LYPLAL1: variants seen among roughly 807,000 people sequenced by gnomAD.
The protein encoded by LYPLAL1 is lysophospholipase-like protein 1.
Under a neutral mutation model 19.7 loss-of-function variants are expected in LYPLAL1, and 23 were observed. That is an observed-to-expected ratio of 1.17 (90% CI 0.84 to 1.65). LYPLAL1 has a LOEUF of 1.65. Among genes scored for constraint, LYPLAL1 ranks in the 40% most tolerant of loss-of-function variants. LYPLAL1 has a pLI of 0.00. For synonymous variants in LYPLAL1, 119 were observed against 96.3 expected (o/e 1.24, Z -1.38); for missense variants, 355 against 279.4 (o/e 1.27, Z -1.93).
At chr1:219,421,949 A>G in the LYPLAL1 span, among the ~76,000 whole-genome samples, 1 of 152,192 alleles carries the variant, frequency 6.6e-6, no homozygotes, top group African/African-American at 2.4e-5. Flanking sequence ...TCTTTCACCA[A>G]CAAAAATTTG....
the LYPLAL1 span, among the ~76,000 whole-genome samples, chr1:219,257,767 AAC>A: frequency 6.6e-6 from 1 of 152,012 alleles, no homozygotes; most frequent in East Asian, 1.9e-4. Flanking sequence ...CATCTTAAAC[AAC>A]AGAAAACAGG....
chr1:219,267,588 C>T, the LYPLAL1 span, among the ~76,000 whole-genome samples: 1 of 152,156 alleles, frequency 6.6e-6, no homozygotes, highest in African/African-American at 2.4e-5. Context: ...GCCTGTGTTA[C>T]CTTCATTAAT....
the LYPLAL1 span, among the ~76,000 whole-genome samples, chr1:219,296,144 A>G: frequency 6.6e-6 from 1 of 152,228 alleles, no homozygotes; most frequent in Non-Finnish European, 1.5e-5. Context: ...AGCATCTGAC[A>G]TTTTGGCAAT....
chr1:219,245,380 G>A, the LYPLAL1 span, among the ~76,000 whole-genome samples: 5 of 152,180 alleles, frequency 3.3e-5, no homozygotes, highest in Non-Finnish European at 5.9e-5. Flanking sequence ...GGATGTTTTA[G>A]TCTGCCCTAT....
At chr1:219,354,155 GA>G in the LYPLAL1 span, among the ~76,000 whole-genome samples, 2 of 152,178 alleles carry the variant, frequency 1.3e-5, no homozygotes, top group African/African-American at 4.8e-5. Flanking sequence ...CACAAGCAAA[GA>G]AGTGGAAGGA....
the LYPLAL1 span, among the ~76,000 whole-genome samples, chr1:219,275,669 A>T: frequency 6.6e-6 from 1 of 152,144 alleles, no homozygotes; most frequent in Non-Finnish European, 1.5e-5. Flanking sequence ...ATCTATAGGC[A>T]AATAAAATTA....
the LYPLAL1 span, among the ~76,000 whole-genome samples, chr1:219,364,519 GTTGTT>G: frequency 0.068 from 10,300 of 151,908 alleles, 501 homozygotes; most frequent in South Asian, 0.14. Flanking sequence ...TTCGCATCTT[GTTGTT>G]TGTAGTCTCT....
chr1:219,395,085 A>C, the LYPLAL1 span, among the ~76,000 whole-genome samples: 1 of 152,192 alleles, frequency 6.6e-6, no homozygotes, highest in Admixed American at 6.5e-5. Context: ...CAGTGAACAT[A>C]TGTGTGCATG....
chr1:219,341,703 G>T, the LYPLAL1 span, among the ~76,000 whole-genome samples: 4 of 151,942 alleles, frequency 2.6e-5, no homozygotes, highest in Admixed American at 6.6e-5. Context: ...TCTAGTAGGT[G>T]GACTTACAAG....
chr1:219,174,697 T>C (rs1431855185), intron 1 of LYPLAL1, among the ~76,000 whole-genome samples: 1 of 152,206 alleles, frequency 6.6e-6, no homozygotes, highest in Non-Finnish European at 1.5e-5. Flanking sequence ...CCCCACTGGA[T>C]TGTGAACTTC....
chr1:219,329,782 C>G, the LYPLAL1 span, among the ~76,000 whole-genome samples: 8 of 152,238 alleles, frequency 5.3e-5, no homozygotes, highest in East Asian at 1.5e-3. Context: ...TCAGCTATGA[C>G]AGCATATAGA....
chr1:219,442,665 T>C, the LYPLAL1 span: 1 of 152,160 alleles, frequency 6.6e-6, no homozygotes, highest in South Asian at 2.1e-4. Flanking sequence ...GACTCAACCA[T>C]GGTTAGCTGA....
chr1:219,336,000 T>G, the LYPLAL1 span, among the ~76,000 whole-genome samples: 2 of 150,476 alleles, frequency 1.3e-5, no homozygotes, highest in East Asian at 4.0e-4. Flanking sequence ...GTTCTCTAGG[T>G]GACCAAACAG....
At chr1:219,425,618 C>A in the LYPLAL1 span, among the ~76,000 whole-genome samples, 3 of 152,164 alleles carry the variant, frequency 2.0e-5, no homozygotes, top group Admixed American at 2.0e-4. Flanking sequence ...ATCAACCTCA[C>A]TGAGTTGTTT....
At chr1:219,335,703 A>T in the LYPLAL1 span, among the ~76,000 whole-genome samples, 16 of 151,950 alleles carry the variant, frequency 1.1e-4, no homozygotes, top group Admixed American at 9.2e-4. Context: ...CATATTATTT[A>T]TTCACTTGTA....
At chr1:219,345,439 T>A in the LYPLAL1 span, among the ~76,000 whole-genome samples, 1 of 152,170 alleles carries the variant, frequency 6.6e-6, no homozygotes, top group Non-Finnish European at 1.5e-5. Flanking sequence ...GATGAATAGT[T>A]TTTTGGGGAT....
the LYPLAL1 span, among the ~76,000 whole-genome samples, chr1:219,268,847 G>C: frequency 1.3e-5 from 2 of 152,212 alleles, no homozygotes; most frequent in East Asian, 3.8e-4. Flanking sequence ...TGTGTAAGGT[G>C]CTTGCTAAGT....
chr1:219,218,000 C>T, the LYPLAL1 span, among the ~76,000 whole-genome samples: 1 of 151,800 alleles, frequency 6.6e-6, no homozygotes, highest in Non-Finnish European at 1.5e-5. Flanking sequence ...TTATATAGTT[C>T]TTCTGCTTGA....
At chr1:219,197,947 G>C (rs1239842556) in intron 3 of LYPLAL1, among the ~76,000 whole-genome samples, 1 of 152,106 alleles carries the variant, frequency 6.6e-6, no homozygotes, top group Non-Finnish European at 1.5e-5. Flanking sequence ...TTACCAGCCA[G>C]ATTGCCCATA....
Sources: allele counts gnomAD v4.1 joint callset (sites outside exome capture counted in the v4.1 genomes callset), GRCh38; gene constraint gnomAD v4.1.1; transcripts MANE v1.5; gene names NCBI Gene and HGNC (gene_info 2026-07-23, HGNC 2026-07-21).